The following ZNF704 variants were observed in gnomAD, a reference collection of about 807,000 sequenced individuals.
ZNF704 encodes zinc finger protein 704.
In ZNF704, 10 loss-of-function variants were observed where a neutral mutation model predicts 44.7. The observed-to-expected ratio is 0.22, with a 90% CI of 0.14 to 0.38. The LOEUF is 0.38. Ranked by LOEUF, ZNF704 falls within the 10% of genes least tolerant of loss-of-function variation. The pLI, the probability that ZNF704 is intolerant of heterozygous loss-of-function variation, is 1.00. For missense variants in ZNF704, 390 were observed against 545.5 expected, an observed-to-expected ratio of 0.71 and a Z score of 2.84; for synonymous variants, 211 against 207.6, an observed-to-expected ratio of 1.02 and a Z score of -0.14.
chr8:80,841,103 G>T (rs1000589437), intron 1 of ZNF704, among the ~76,000 whole-genome samples: 3 of 152,124 alleles, frequency 2.0e-5, no homozygotes, highest in South Asian at 2.1e-4. Context: ...CACCACAAAG[G>T]GTCTGAAAGC....
intron 1 of ZNF704, among the ~76,000 whole-genome samples, chr8:80,857,213 C>T (rs1808977965): frequency 6.6e-6 from 1 of 152,056 alleles, no homozygotes; most frequent in East Asian, 1.9e-4. Context: ...AATATTTATG[C>T]CTTTCACTTA....
chr8:80,861,991 C>CTTTTTTTTTTTTTTTTTTT (rs71266093), intron 1 of ZNF704, among the ~76,000 whole-genome samples: 2 of 92,996 alleles, frequency 2.2e-5, no homozygotes, highest in African/African-American at 1.1e-4. Flanking sequence ...AAAAAATAAC[C>CTTTTTTTTTTTTTTTTTTT]TTTTTTTTTT....
chr8:80,704,390 A>G lies in ZNF704; in HGVS notation c.222-11283T>C, dbSNP rs1288506315. ...GAGTGCCTGTCATATTGTGAAATAG[A>G]TATTTTGTTTTCCTCCATCCCTGTC... On this transcript the variant is annotated intron_variant, in intron 2 of 8. Transcript: ENST00000327835. 3.3e-5 allele frequency among the ~76,000 whole-genome samples: 5 copies of G among 152,288 alleles called. No individual in the cohort carries two copies. In the East Asian group the frequency reaches 7.7e-4, roughly 23 times the overall value.
At chr8:80,785,637 C>T (rs1410347834) in intron 2 of ZNF704, among the ~76,000 whole-genome samples, 1 of 152,210 alleles carries the variant, frequency 6.6e-6, no homozygotes, top group Non-Finnish European at 1.5e-5. Flanking sequence ...GCTTTAGCCA[C>T]TGGCAGATCC....
chr8:80,673,841 C>CA (rs1278064225), intron 4 of ZNF704, among the ~76,000 whole-genome samples: 1 of 152,234 alleles, frequency 6.6e-6, no homozygotes, highest in African/African-American at 2.4e-5. Flanking sequence ...AGCAGATTAC[C>CA]AACCACGGAA....
intron 6 of ZNF704, among the ~76,000 whole-genome samples, chr8:80,664,059 T>C (rs1195552836): frequency 6.6e-6 from 1 of 151,760 alleles, no homozygotes; most frequent in Non-Finnish European, 1.5e-5. Flanking sequence ...GATACTTATG[T>C]AATGTGCCAG....
intron 2 of ZNF704, among the ~76,000 whole-genome samples, chr8:80,767,816 T>C (rs1807253356): frequency 6.6e-6 from 1 of 152,156 alleles, no homozygotes; most frequent in South Asian, 2.1e-4. Flanking sequence ...ACCTTCTCCT[T>C]GAAACCCTCT....
chr8:80,758,048 CA>C (rs1158286039), intron 2 of ZNF704, among the ~76,000 whole-genome samples: 2 of 152,208 alleles, frequency 1.3e-5, no homozygotes, highest in Non-Finnish European at 2.9e-5. Flanking sequence ...ACTCATTGTC[CA>C]GACTTTGGCC....
intron 2 of ZNF704, among the ~76,000 whole-genome samples, chr8:80,783,542 G>C (rs1807564191): frequency 6.6e-6 from 1 of 152,048 alleles, no homozygotes; most frequent in African/African-American, 2.4e-5. Context: ...TTGCCTAATG[G>C]GGGAAGGGGA....
intron 2 of ZNF704, among the ~76,000 whole-genome samples, chr8:80,757,099 A>G (rs1448077889): frequency 1.3e-5 from 2 of 152,218 alleles, no homozygotes; most frequent in Non-Finnish European, 2.9e-5. Flanking sequence ...CCTTCTACTT[A>G]GGTAAAAATA....
chr8:80,806,578 G>C (rs964334169), intron 2 of ZNF704, among the ~76,000 whole-genome samples: 1 of 152,184 alleles, frequency 6.6e-6, no homozygotes, highest in African/African-American at 2.4e-5. Flanking sequence ...CAGAGTTTCT[G>C]CTACAGGCTC....
At position 80,788,453 on chromosome 8, in the gene ZNF704, C is replaced by T. The variant is rs182081777; in HGVS notation, c.221+32921G>A. ...TAGTTGCAGCTAAAAAATTATATCT[C>T]CTAGGTGATAAAAGTGGTCAAGTGA... is the stretch of plus-strand genomic sequence containing the variant. On this transcript the variant is annotated intron_variant, in intron 2 of 8. Coordinates refer to ENST00000327835, the MANE Select transcript of ZNF704 (RefSeq NM_001033723.3). 9.1e-4 allele frequency among the ~76,000 whole-genome samples: 138 copies of T among 152,262 alleles called. 1 individual carries two copies. The highest frequency in any genetic ancestry group is 1.5e-3 in the Non-Finnish European group (99 of 68,026).
chr8:80,792,736 C>T (rs1807732697), intron 2 of ZNF704, among the ~76,000 whole-genome samples: 1 of 152,176 alleles, frequency 6.6e-6, no homozygotes, highest in Non-Finnish European at 1.5e-5. Flanking sequence ...ACAGCCACTT[C>T]CAGCTGACAG....
At chr8:80,878,306 A>AAGGG (rs1809386225), upstream of ZNF704, among the ~76,000 whole-genome samples, 1 of 144,294 alleles carries the variant, frequency 6.9e-6, no homozygotes. Context: ...GGAAGGAAGG[A>AAGGG]AGGAAGAAAA....
chr8:80,771,980 A>G (rs1239959838), intron 2 of ZNF704, among the ~76,000 whole-genome samples: 1 of 152,178 alleles, frequency 6.6e-6, no homozygotes, highest in African/African-American at 2.4e-5. Flanking sequence ...GTGGTGATTA[A>G]TAGGCTCACG....
At chr8:80,878,478 A>G (rs1809388327), upstream of ZNF704, among the ~76,000 whole-genome samples, 1 of 152,200 alleles carries the variant, frequency 6.6e-6, no homozygotes. Flanking sequence ...TGAAACTTTA[A>G]TAGTTGGATT....
intron 7 of ZNF704, among the ~76,000 whole-genome samples, chr8:80,653,926 C>T (rs1266715804): frequency 1.3e-5 from 2 of 152,164 alleles, no homozygotes; most frequent in Non-Finnish European, 2.9e-5. Context: ...ATCACGCTAC[C>T]TGACTTCAAA....
intron 5 of ZNF704, among the ~76,000 whole-genome samples, chr8:80,665,551 AT>A (rs1818176234): frequency 6.6e-6 from 1 of 152,106 alleles, no homozygotes; most frequent in African/African-American, 2.4e-5. Context: ...GAGGTGAGGG[AT>A]GAGAAATGAC....
Position 80,702,865 on chromosome 8 carries a change from T to A in ZNF704, c.222-9758A>T, listed in dbSNP as rs1871673. Among the ~76,000 whole-genome samples the A allele has an allele frequency of 9.6e-3, 1,462 of 152,126 alleles. 12 individuals are homozygous for A. Among genetic ancestry groups the A allele is most frequent in the Non-Finnish European group, 0.017 (1,176 of 68,000 alleles). On this transcript the variant is annotated intron_variant, in intron 2 of 8. Coordinates refer to ENST00000327835, the MANE Select transcript of ZNF704 (RefSeq NM_001033723.3). ...GCGAGGCTGATGTCATCCGGGATGA[T>A]GGCAGCATTGAGGAGAGAAAAGTTG...
Sources: allele counts gnomAD v4.1 joint callset (sites outside exome capture counted in the v4.1 genomes callset), GRCh38; gene constraint gnomAD v4.1.1; transcripts MANE v1.5; gene names NCBI Gene and HGNC (gene_info 2026-07-23, HGNC 2026-07-21).